The following ETFA variants were observed in gnomAD, a reference collection of about 807,000 sequenced individuals.
ETFA encodes the protein electron transfer flavoprotein subunit alpha, mitochondrial.
ETFA carries 22 observed loss-of-function variants against 46.2 expected under a neutral mutation model. That is an observed-to-expected ratio of 0.48 (90% confidence interval 0.34 to 0.68). The LOEUF (loss-of-function observed/expected upper bound fraction) is 0.68. ETFA is among the 30% of genes least tolerant of loss of function. ETFA has a pLI of 0.01. For missense variants in ETFA, 345 were observed against 401.1 expected, an observed-to-expected ratio of 0.86 and a Z score of 1.19; for synonymous variants, 131 against 139.9, an observed-to-expected ratio of 0.94 and a Z score of 0.45.
chr15:76,298,042 G>C (rs2039843260), intron 1 of ETFA, among the ~76,000 whole-genome samples: 1 of 146,428 alleles, frequency 6.8e-6, no homozygotes, highest in Non-Finnish European at 1.5e-5. Flanking sequence ...AATCAGATTA[G>C]AGATTTTTTT....
intron 1 of ETFA, among the ~76,000 whole-genome samples, chr15:76,308,421 T>C (rs199710273): frequency 1.3e-5 from 2 of 152,326 alleles, no homozygotes; most frequent in East Asian, 1.9e-4. Flanking sequence ...TTACCACTAA[T>C]GGGATAAACC....
At chr15:76,246,654 A>C (rs1287281423) in intron 9 of ETFA, among the ~76,000 whole-genome samples, 1 of 151,962 alleles carries the variant, frequency 6.6e-6, no homozygotes, top group Non-Finnish European at 1.5e-5. Flanking sequence ...ACATGGTGAA[A>C]TCCTGTCTCT....
chr15:76,261,032 A>C, intron 9 of ETFA: 1 of 1,600,724 alleles, frequency 6.2e-7, no homozygotes, highest in East Asian at 2.2e-5. Flanking sequence ...AGGGGACTGC[A>C]GGCAGTGCTT....
rs754953251 is a variant in ETFA at position 76,311,397 on chromosome 15, C to A, written c.-9G>T. On this transcript the variant is annotated 5_prime_UTR_variant, in exon 1 of 12. Transcript: ENST00000557943. ...GCCGCCGCTCGGAACATGGTCTCCG[C>A]TTCCGCCGCAACCTCGGCCTTACAG... 1.3e-4 allele frequency: 210 copies of A among 1,559,250 alleles called. No homozygotes were observed. Among genetic ancestry groups the A allele is most frequent in the Admixed American group, 2.3e-4 (12 of 52,394 alleles).
intron 7 of ETFA, 28 bp downstream of exon 7, chr15:76,285,609 C>T: frequency 1.7e-6 from 2 of 1,183,630 alleles, no homozygotes; most frequent in Non-Finnish European, 2.5e-6. Flanking sequence ...TTTCAATTTA[C>T]ATCTTTTAAG....
chr15:76,288,920 C>CTTTTTTTTTTTTTTTTTTTTTTTTT (rs35295593), intron 4 of ETFA, among the ~76,000 whole-genome samples: 1 of 110,092 alleles, frequency 9.1e-6, no homozygotes, highest in African/African-American at 3.4e-5. Flanking sequence ...TCTTCTTCTT[C>CTTTTTTTTTTTTTTTTTTTTTTTTT]TTTTTTTTTT....
intron 11 of ETFA, among the ~76,000 whole-genome samples, chr15:76,221,050 T>C (rs2038951961): frequency 6.6e-6 from 1 of 152,122 alleles, no homozygotes; most frequent in South Asian, 2.1e-4. Flanking sequence ...GCATCATTCA[T>C]AATAGCCAAA....
At chr15:76,223,386 G>T (rs938307919) in intron 11 of ETFA, among the ~76,000 whole-genome samples, 2 of 151,588 alleles carry the variant, frequency 1.3e-5, no homozygotes, top group African/African-American at 4.8e-5. Flanking sequence ...CTCGGCTAAT[G>T]TGTTTTTCAC....
intron 11 of ETFA, among the ~76,000 whole-genome samples, chr15:76,225,454 A>AATTTTTTGT (rs2038994761): frequency 6.6e-6 from 1 of 151,634 alleles, no homozygotes; most frequent in Non-Finnish European, 1.5e-5. Context: ...ACGCCCAGCT[A>AATTTTTTGT]ATTTTTTGTA....
chr15:76,250,608 C>G (rs1415843546), intron 9 of ETFA, among the ~76,000 whole-genome samples: 1 of 152,100 alleles, frequency 6.6e-6, no homozygotes, highest in Non-Finnish European at 1.5e-5. Flanking sequence ...TCATAGCTCA[C>G]TGCAGCCTTG....
At chr15:76,295,936 CTTTTTTTTTTTT>C (rs1157687784) in intron 1 of ETFA, among the ~76,000 whole-genome samples, 199 bp from the exon 2 acceptor site, 1 of 46,602 alleles carries the variant, frequency 2.1e-5, no homozygotes. Flanking sequence ...CACTAATATT[CTTTTTTTTTTTT>C]TTTTTTTTTT....
At chr15:76,259,960 A>G in intron 9 of ETFA, 11 of 1,422,184 alleles carry the variant, frequency 7.7e-6, no homozygotes, top group South Asian at 2.3e-5. Context: ...TACCCCAACA[A>G]GTTTGGCCAC....
chr15:76,280,489 G>A (rs889547372), intron 8 of ETFA, among the ~76,000 whole-genome samples: 1 of 152,018 alleles, frequency 6.6e-6, no homozygotes, highest in Non-Finnish European at 1.5e-5. Context: ...CAAACTATGA[G>A]TATCTCCCAC....
intron 1 of ETFA, among the ~76,000 whole-genome samples, chr15:76,298,059 T>G (rs955009400): frequency 7.2e-6 from 1 of 138,518 alleles, no homozygotes; most frequent in Non-Finnish European, 1.6e-5. Context: ...TTTTTTTTTT[T>G]TGAGAGAGAG....
At chr15:76,264,793 G>A (rs530415098) in intron 9 of ETFA, among the ~76,000 whole-genome samples, 1 of 152,152 alleles carries the variant, frequency 6.6e-6, no homozygotes. Flanking sequence ...AATATGTCCC[G>A]TTTCTCAGGC....
At chr15:76,291,313 C>T (rs1343685089) in intron 4 of ETFA, among the ~76,000 whole-genome samples, 4 of 151,864 alleles carry the variant, frequency 2.6e-5, no homozygotes, top group African/African-American at 4.8e-5. Flanking sequence ...TGTGGTGGCA[C>T]GCACCTATAA....
chr15:76,260,695 G>C, intron 9 of ETFA: 1 of 1,603,624 alleles, frequency 6.2e-7, no homozygotes, highest in South Asian at 1.1e-5. Flanking sequence ...TCCAAGATGA[G>C]GCCTGAATCT....
chr15:76,229,386 A>G (rs2039040563), intron 10 of ETFA, among the ~76,000 whole-genome samples: 1 of 152,210 alleles, frequency 6.6e-6, no homozygotes, highest in Non-Finnish European at 1.5e-5. Flanking sequence ...GCTGACCCCC[A>G]ACACCAGTCT....
At chr15:76,228,639 A>G (rs2039029885) in intron 10 of ETFA, 1 of 153,418 alleles carries the variant, frequency 6.5e-6, no homozygotes, top group Non-Finnish European at 1.4e-5. Context: ...GAACTATGAT[A>G]AAGTCTTGCT....
Sources: gnomAD v4.1 joint callset for allele counts (sites outside exome capture counted in the v4.1 genomes callset) on GRCh38, gnomAD v4.1.1 for gene constraint, MANE v1.5 for transcripts, NCBI Gene and HGNC (gene_info 2026-07-23, HGNC 2026-07-21) for gene names.